CLMP: variants seen among roughly 807,000 people sequenced by gnomAD.
CLMP encodes the protein CXADR like cell adhesion molecule.
In CLMP, 27 loss-of-function variants were observed where a neutral mutation model predicts 45.2. That is an observed-to-expected ratio of 0.60 (90% CI 0.44 to 0.82). The LOEUF is 0.82. CLMP is among the 40% of genes least tolerant of loss of function. CLMP has a pLI of 0.00. For missense variants in CLMP, 403 were observed against 448.4 expected, an observed-to-expected ratio of 0.90 and a Z score of 0.91; for synonymous variants, 167 against 171.4, an observed-to-expected ratio of 0.97 and a Z score of 0.20.
chr11:123,128,441 C>A (rs984428595), intron 1 of CLMP, among the ~76,000 whole-genome samples: 1 of 152,030 alleles, frequency 6.6e-6, no homozygotes, highest in Non-Finnish European at 1.5e-5. Flanking sequence ...GTGGGAGGAT[C>A]GCTTGAGCCC....
At chr11:123,073,811 A>T (rs1865703537) in intron 6 of CLMP, 37 bp from the exon 7 acceptor site, 3 of 1,529,124 alleles carry the variant, frequency 2.0e-6, no homozygotes, top group Admixed American at 4.2e-5. Context: ...ACACTGGCAG[A>T]TCTGTGATTG....
chr11:123,133,860 C>A (rs567313785), intron 1 of CLMP, among the ~76,000 whole-genome samples: 2 of 152,196 alleles, frequency 1.3e-5, no homozygotes, highest in South Asian at 4.2e-4. Context: ...TTAGATCATA[C>A]CCTTTTCCCA....
intron 5 of CLMP, among the ~76,000 whole-genome samples, chr11:123,078,743 C>T (rs1229860185): frequency 4.0e-5 from 6 of 150,384 alleles, no homozygotes; most frequent in Non-Finnish European, 8.9e-5. Context: ...CTCCCGGGTT[C>T]ACACCATTCT....
chr11:123,167,434 C>T (rs955422063), intron 1 of CLMP, among the ~76,000 whole-genome samples: 13 of 152,120 alleles, frequency 8.5e-5, no homozygotes, highest in African/African-American at 3.1e-4. Flanking sequence ...TACAGGCGCC[C>T]ACCACCACGC....
intron 1 of CLMP, chr11:123,193,242 A>T (rs1591492913): frequency 6.6e-6 from 1 of 152,366 alleles, no homozygotes; most frequent in African/African-American, 2.4e-5. Flanking sequence ...GCCTTTTTAC[A>T]GCTTGGTTTC....
intron 1 of CLMP, among the ~76,000 whole-genome samples, chr11:123,157,984 G>T (rs1861438052): frequency 6.6e-6 from 1 of 151,826 alleles, no homozygotes; most frequent in African/African-American, 2.4e-5. Context: ...TTTTCCTGCT[G>T]CTTCCAACCC....
At position 123,167,515 on chromosome 11, in the gene CLMP, GACC is replaced by G. The variant is rs1379932185; in HGVS notation, c.28+27395_28+27397del. ...TTAACCAGGATGGTCTCGATCTCCT[GACC>G]TCGTGATCCGCCTGCCTTGGCCTCC... On this transcript the variant is annotated intron_variant, in intron 1 of 6. Coordinates refer to ENST00000448775, the MANE Select transcript of CLMP (RefSeq NM_024769.5). Among the ~76,000 whole-genome samples the G allele has an allele frequency of 7.0e-3, 1,062 of 152,214 alleles. 10 individuals are homozygous for G. Among genetic ancestry groups the G allele is most frequent in the African/African-American group, 0.024 (999 of 41,522 alleles).
At chr11:123,123,259 C>CCTT (rs1860843782) in intron 1 of CLMP, among the ~76,000 whole-genome samples, 2 of 117,700 alleles carry the variant, frequency 1.7e-5, no homozygotes, top group African/African-American at 6.8e-5. Flanking sequence ...TCTTTCTTTC[C>CCTT]TTTTTTTTTT....
Position 123,184,315 on chromosome 11 carries a change from G to A in CLMP, c.28+10598C>T, listed in dbSNP as rs571088143. Among the ~76,000 whole-genome samples, 6 of 152,154 alleles carry A rather than the reference G, an allele frequency of 3.9e-5. No homozygotes were observed. In the East Asian group the frequency reaches 5.8e-4, roughly 15 times the overall value. ...TCACCATGTTGGCCAGGCTGGTCTC[G>A]AACTCCCTGACCTCAGGGGATCCTG... On this transcript the variant is annotated intron_variant, in intron 1 of 6. Transcript: ENST00000448775.
chr11:123,127,848 C>T (rs1440332878), intron 1 of CLMP, among the ~76,000 whole-genome samples: 1 of 151,982 alleles, frequency 6.6e-6, no homozygotes, highest in East Asian at 1.9e-4. Flanking sequence ...ACCAGCCTGG[C>T]CAACATGGCA....
intron 1 of CLMP, among the ~76,000 whole-genome samples, chr11:123,101,992 C>A (rs1381160016): frequency 6.6e-6 from 1 of 152,106 alleles, no homozygotes; most frequent in Non-Finnish European, 1.5e-5. Flanking sequence ...TGAGACCAGC[C>A]TGGGCAACAT....
chr11:123,156,274 A>G (rs1861413903), intron 1 of CLMP, among the ~76,000 whole-genome samples: 2 of 152,266 alleles, frequency 1.3e-5, no homozygotes, highest in African/African-American at 2.4e-5. Flanking sequence ...TTGCTTATGA[A>G]TTTTAGCTTC....
At chr11:123,097,099 C>G (rs1032304770) in intron 2 of CLMP, among the ~76,000 whole-genome samples, 1 of 151,776 alleles carries the variant, frequency 6.6e-6, no homozygotes, top group Admixed American at 6.6e-5. Context: ...CAGTTCACCC[C>G]CCTCAGGCTC....
chr11:123,114,000 T>C (rs892797173), intron 1 of CLMP, among the ~76,000 whole-genome samples: 8 of 152,180 alleles, frequency 5.3e-5, no homozygotes, highest in African/African-American at 1.9e-4. Flanking sequence ...ATTCCGAGAC[T>C]CTCAGAGATC....
chr11:123,097,290 C>G (rs554416288), intron 2 of CLMP, among the ~76,000 whole-genome samples: 2 of 152,264 alleles, frequency 1.3e-5, no homozygotes, highest in African/African-American at 4.8e-5. Context: ...CTCAGCCTCC[C>G]AAGTGGCTGA....
chr11:123,149,462 A>G (rs1861282197), intron 1 of CLMP, among the ~76,000 whole-genome samples: 1 of 152,238 alleles, frequency 6.6e-6, no homozygotes, highest in Non-Finnish European at 1.5e-5. Context: ...TCAGAAATAT[A>G]CCAGTCACCA....
Position 123,150,561 on chromosome 11 carries a change from AAAGG to A in CLMP, c.28+44348_28+44351del, listed in dbSNP as rs1250034256. 2.0e-3 allele frequency among the ~76,000 whole-genome samples: 240 copies of A among 120,766 alleles called. 3 individuals are homozygous for A. Among genetic ancestry groups the A allele is most frequent in the Admixed American group, 4.6e-3 (55 of 11,842 alleles). The allele number at this position is 120,766 out of a possible 152,430, so 79.2% of individuals were successfully genotyped here. A position where few individuals can be genotyped will look rare whatever the true frequency, so the allele number is the denominator to read the frequency against. On this transcript the variant is annotated intron_variant, in intron 1 of 6. Transcript: ENST00000448775. ...CAAGCAAGGAAGGAAGGAAGGAAGG[AAAGG>A]AAGGAAGGAAGGAAGGAAAGGAAGG...
At chr11:123,168,236 G>C (rs1003005995) in intron 1 of CLMP, among the ~76,000 whole-genome samples, 1 of 130,162 alleles carries the variant, frequency 7.7e-6, no homozygotes, top group African/African-American at 2.9e-5. Flanking sequence ...CCACAAAGCA[G>C]GCTGCAGAGG....
chr11:123,148,190 G>C (rs937826097), intron 1 of CLMP, among the ~76,000 whole-genome samples: 1 of 152,188 alleles, frequency 6.6e-6, no homozygotes. Flanking sequence ...TAAGTGCTAC[G>C]TAAGTGTAGC....
Sources: gnomAD v4.1 joint callset for allele counts (sites outside exome capture counted in the v4.1 genomes callset) on GRCh38, gnomAD v4.1.1 for gene constraint, MANE v1.5 for transcripts, NCBI Gene and HGNC (gene_info 2026-07-23, HGNC 2026-07-21) for gene names.